Variants in EIF4G3 observed in about 807,000 individuals in gnomAD.
The protein encoded by EIF4G3 is eukaryotic translation initiation factor 4 gamma 3.
A neutral mutation model predicts 186.4 loss-of-function variants in EIF4G3; 34 were observed. The ratio of observed to expected loss-of-function variants is 0.18; its 90% confidence interval spans 0.14 to 0.24. The LOEUF is 0.24. Ranked by LOEUF, EIF4G3 falls within the 10% of genes least tolerant of loss-of-function variation. The probability of loss-of-function intolerance (pLI) is 1.00; values close to 1 mark genes in which losing one functional copy is unlikely to be tolerated. For missense variants in EIF4G3, 1,536 were observed against 1,948.5 expected (o/e 0.79, Z 3.99); for synonymous variants, 673 against 679.5 (o/e 0.99, Z 0.15).
At chr1:21,048,821 G>T (rs891359428) in intron 4 of EIF4G3, among the ~76,000 whole-genome samples, 4 of 152,112 alleles carry the variant, frequency 2.6e-5, no homozygotes, top group Admixed American at 6.5e-5. Flanking sequence ...CTTAGCCCAG[G>T]GTAGGGGTAG....
At chr1:21,042,366 A>G (rs1183980874) in intron 4 of EIF4G3, among the ~76,000 whole-genome samples, 1 of 152,226 alleles carries the variant, frequency 6.6e-6, no homozygotes, top group Non-Finnish European at 1.5e-5. Flanking sequence ...CTTTAAATAT[A>G]ACTAAGTTAA....
intron 14 of EIF4G3, among the ~76,000 whole-genome samples, chr1:20,913,351 ATAGTG>A (rs2093470345): frequency 6.6e-6 from 1 of 152,166 alleles, no homozygotes; most frequent in Admixed American, 6.5e-5. Flanking sequence ...CCTGAGCAAC[ATAGTG>A]AGACACCATC....
chr1:21,156,952 G>T (rs1440952456), intron 2 of EIF4G3, among the ~76,000 whole-genome samples: 1 of 152,082 alleles, frequency 6.6e-6, no homozygotes, highest in Non-Finnish European at 1.5e-5. Flanking sequence ...CTACTGCTTG[G>T]GAGGTTGAGG....
intron 18 of EIF4G3, among the ~76,000 whole-genome samples, chr1:20,886,723 T>C (rs2084287940): frequency 6.6e-6 from 1 of 152,196 alleles, no homozygotes; most frequent in Non-Finnish European, 1.5e-5. Flanking sequence ...CAGGTAGGTA[T>C]CATCATAGTT....
intron 2 of EIF4G3, among the ~76,000 whole-genome samples, chr1:21,139,434 G>T (rs2097302024): frequency 6.6e-6 from 1 of 151,964 alleles, no homozygotes; most frequent in Admixed American, 6.6e-5. Flanking sequence ...CAGCCTGGGT[G>T]ACAGAGTGAG....
At chr1:20,809,131 G>A (rs1291389843) in intron 36 of EIF4G3, among the ~76,000 whole-genome samples, 3 of 151,998 alleles carry the variant, frequency 2.0e-5, no homozygotes, top group Non-Finnish European at 4.4e-5. Flanking sequence ...GCGCCACCAC[G>A]CCCAGCTAAT....
rs183701764 is a variant in EIF4G3, at chr1:21,030,893, A to C, written c.-67+19973T>G. On this transcript the variant is annotated intron_variant, in intron 4 of 36. Coordinates refer to ENST00000602326, the MANE Select transcript of EIF4G3 (RefSeq NM_001391906.1). Reference sequence around the variant, plus strand: ...CTATTGGGAGGCAAAGAATGGGAAGAAAAAAGGATCAGCCGGGTGTGGTGG... The same window carrying C: ...CTATTGGGAGGCAAAGAATGGGAAGCAAAAAGGATCAGCCGGGTGTGGTGG... Among the ~76,000 whole-genome samples, 571 of 152,306 alleles carry C rather than the reference A, an allele frequency of 3.7e-3. 13 individuals are homozygous for C. Among genetic ancestry groups the C allele is most frequent in the Admixed American group, 0.033 (502 of 15,292 alleles).
At chr1:20,924,314 G>A (rs1316164796) in intron 14 of EIF4G3, among the ~76,000 whole-genome samples, 2 of 152,064 alleles carry the variant, frequency 1.3e-5, no homozygotes, top group East Asian at 1.9e-4. Context: ...CAAAAAAACT[G>A]GAATTTTTCT....
chr1:21,023,197 G>A (rs1440313248), intron 4 of EIF4G3, among the ~76,000 whole-genome samples: 1 of 150,172 alleles, frequency 6.7e-6, no homozygotes, highest in East Asian at 2.0e-4. Flanking sequence ...CAGTAAAAAT[G>A]ACATAGAAAG....
At chr1:20,896,326 A>G (rs1218920722) in intron 16 of EIF4G3, among the ~76,000 whole-genome samples, 3 of 151,250 alleles carry the variant, frequency 2.0e-5, no homozygotes, top group South Asian at 2.1e-4. Context: ...AGTCCCAGCT[A>G]TCAGGTGGCT....
Position 20,864,652 on chromosome 1 carries a change from T to G in EIF4G3, c.2830A>C (p.Arg944=), listed in dbSNP as rs2077155511. Residue 944 remains arginine (R), a synonymous_variant, in exon 22 of 37, where the codon AGA becomes CGA. Transcript: ENST00000602326. ...ATAAACTTGATGTTGCCAATGGATC[T>G]CCGCCGGGCTTTGTCCTTGGCTTCT... The part of the protein sequence containing the change: ...LEEAKDKARR[R]SIGNIKFIGE... The G allele has an allele frequency of 6.2e-7, 1 of 1,614,064 alleles. No homozygotes were observed. The highest frequency in any genetic ancestry group is 8.5e-7 in the Non-Finnish European group (1 of 1,180,050).
chr1:20,845,369 T>C (rs2070496142), intron 29 of EIF4G3, among the ~76,000 whole-genome samples: 2 of 152,096 alleles, frequency 1.3e-5, no homozygotes, highest in Admixed American at 1.3e-4. Context: ...CCCTGTAATA[T>C]AGTTTGAAGT....
At chr1:20,942,363 T>C (rs766299172) in intron 13 of EIF4G3, 33 bp from the exon 14 acceptor site, 1 of 1,528,228 alleles carries the variant, frequency 6.5e-7, no homozygotes, top group Non-Finnish European at 8.7e-7. Context: ...TAAGAATAAT[T>C]CTTGGATCAG....
intron 2 of EIF4G3, among the ~76,000 whole-genome samples, chr1:21,161,266 G>A (rs1195420207): frequency 1.3e-5 from 2 of 152,164 alleles, no homozygotes; most frequent in Non-Finnish European, 2.9e-5. Context: ...CACTTTGGGA[G>A]GCCGAGGCGG....
chr1:21,172,388 A>T (rs772289036), intron 2 of EIF4G3, among the ~76,000 whole-genome samples: 4 of 152,154 alleles, frequency 2.6e-5, no homozygotes, highest in Non-Finnish European at 5.9e-5. Context: ...TCTAACCAAA[A>T]GGACCAAGTT....
rs190788708 is a variant in EIF4G3 at position 20,819,475 on chromosome 1, T to C, written c.4369-1937A>G. On this transcript the variant is annotated intron_variant, in intron 33 of 36. Transcript: ENST00000602326. Reference sequence around the variant, plus strand: ...TTTATTTATTTATTTATTTATTTATTTAGACAGGGTCTTGCTCTTTTGCCC... The same window carrying C: ...TTTATTTATTTATTTATTTATTTATCTAGACAGGGTCTTGCTCTTTTGCCC... 8.3e-3 allele frequency among the ~76,000 whole-genome samples: 1,191 copies of C among 143,384 alleles called. 15 individuals carry two copies. The highest frequency in any genetic ancestry group is 0.029 in the African/African-American group (1,122 of 38,934). The allele number at this position is 143,384 out of a possible 152,430, so 94.1% of individuals were successfully genotyped here. A position where few individuals can be genotyped will look rare whatever the true frequency, so the allele number is the denominator to read the frequency against.
intron 3 of EIF4G3, 128 bp from the exon 4 acceptor site, chr1:21,051,122 G>C (rs1223648411): frequency 3.4e-6 from 2 of 581,750 alleles, no homozygotes; most frequent in Non-Finnish European, 6.1e-6. Context: ...GCACGAGACT[G>C]AACAAACACT....
intron 14 of EIF4G3, among the ~76,000 whole-genome samples, chr1:20,925,311 C>T (rs1391703106): frequency 1.3e-5 from 2 of 152,132 alleles, no homozygotes; most frequent in Non-Finnish European, 2.9e-5. Flanking sequence ...GAGGTTTTCC[C>T]TACATGATCA....
At chr1:21,055,294 A>G (rs564382507) in intron 3 of EIF4G3, among the ~76,000 whole-genome samples, 6 of 152,284 alleles carry the variant, frequency 3.9e-5, no homozygotes, top group Non-Finnish European at 5.9e-5. Context: ...ACAGTGAAAT[A>G]AAGTGAAAAT....
Sources: gnomAD v4.1 joint callset for allele counts (sites outside exome capture counted in the v4.1 genomes callset) on GRCh38, gnomAD v4.1.1 for gene constraint, MANE v1.5 for transcripts, NCBI Gene and HGNC (gene_info 2026-07-23, HGNC 2026-07-21) for gene names.